Variants in MRAS observed in about 807,000 individuals in gnomAD.
The protein encoded by MRAS is muscle RAS oncogene homolog.
A neutral mutation model predicts 20.9 loss-of-function variants in MRAS; 4 were observed. The observed-to-expected ratio is 0.19, with a 90% CI of 0.09 to 0.44. The LOEUF (loss-of-function observed/expected upper bound fraction) is 0.44. Among genes scored for constraint, MRAS ranks in the 20% least tolerant of loss-of-function variants. The pLI is 0.99. For synonymous variants in MRAS, 98 were observed against 102.9 expected, an observed-to-expected ratio of 0.95 and a Z score of 0.29; for missense variants, 154 against 277.5, an observed-to-expected ratio of 0.56 and a Z score of 3.16.
intron 2 of MRAS, among the ~76,000 whole-genome samples, chr3:138,396,380 G>A (rs143516950): frequency 1.8e-3 from 281 of 152,298 alleles, no homozygotes; most frequent in African/African-American, 6.4e-3. Context: ...GTAACCACCC[G>A]CTCCCCTGCC....
intron 2 of MRAS, among the ~76,000 whole-genome samples, chr3:138,379,608 T>G (rs1379698997): frequency 6.6e-6 from 1 of 152,206 alleles, no homozygotes; most frequent in Non-Finnish European, 1.5e-5. Context: ...TCTGCCCACC[T>G]CGGCCTCCCA....
In MRAS at chr3:138,405,388, G is replaced by A. The variant is rs572622647; in HGVS notation, c.*3119G>A. On this transcript the variant is annotated 3_prime_UTR_variant, in exon 6 of 6. Transcript: ENST00000423968. ...CTTGAATTATTGTGCGCCTGTGAGC[G>A]CCCAGCTTCTGTTTCATAGTCTTAA... is the stretch of plus-strand genomic sequence containing the variant. 8 of 152,782 alleles carry A rather than the reference G, an allele frequency of 5.2e-5. No homozygotes were observed. The highest frequency in any genetic ancestry group is 1.9e-4 in the East Asian group (1 of 5,188). 9.5% of individuals were successfully genotyped at this position (152,782 alleles called of 1,614,324 possible).
chr3:138,379,473 T>C (rs2054855554), intron 2 of MRAS, among the ~76,000 whole-genome samples: 1 of 144,964 alleles, frequency 6.9e-6, no homozygotes, highest in Non-Finnish European at 1.5e-5. Flanking sequence ...TTCTCCTGCC[T>C]AAGCCTCCCA....
chr3:138,381,347 C>G (rs993198561), intron 2 of MRAS, among the ~76,000 whole-genome samples: 3 of 152,214 alleles, frequency 2.0e-5, no homozygotes, highest in East Asian at 1.9e-4. Flanking sequence ...GGAGAGGTCA[C>G]TAGTCTAGGG....
chr3:138,353,564 C>CTT (rs1217751996), intron 1 of MRAS, among the ~76,000 whole-genome samples: 1 of 152,178 alleles, frequency 6.6e-6, no homozygotes, highest in East Asian at 1.9e-4. Flanking sequence ...GACAGTCCTG[C>CTT]TTTTCTCCAC....
At chr3:138,369,098 C>T (rs1163527461) in intron 1 of MRAS, among the ~76,000 whole-genome samples, 2 of 152,122 alleles carry the variant, frequency 1.3e-5, no homozygotes, top group Non-Finnish European at 2.9e-5. Context: ...GAGAGTTGTC[C>T]CTTAGCTCTC....
intron 2 of MRAS, among the ~76,000 whole-genome samples, chr3:138,394,442 G>A (rs1209197018): frequency 6.6e-6 from 1 of 152,116 alleles, no homozygotes; most frequent in African/African-American, 2.4e-5. Context: ...AGGGCTGTGG[G>A]GACAGGTGAC....
intron 2 of MRAS, among the ~76,000 whole-genome samples, chr3:138,381,059 C>T (rs747792315): frequency 2.6e-5 from 4 of 152,284 alleles, no homozygotes; most frequent in East Asian, 1.9e-4. Flanking sequence ...AGGCATGAGC[C>T]GCCACGCCCG....
chr3:138,388,105 G>C (rs1413224548), intron 2 of MRAS, among the ~76,000 whole-genome samples: 1 of 152,160 alleles, frequency 6.6e-6, no homozygotes, highest in Non-Finnish European at 1.5e-5. Flanking sequence ...TGTCCTGGCT[G>C]TCTGCACCCT....
At chr3:138,385,149 A>C (rs1231006924) in intron 2 of MRAS, among the ~76,000 whole-genome samples, 1 of 127,424 alleles carries the variant, frequency 7.8e-6, no homozygotes, top group Non-Finnish European at 1.6e-5. Context: ...CGGGGTTTTG[A>C]TTTGTAATTT....
At chr3:138,357,158 G>A (rs192108885) in intron 1 of MRAS, among the ~76,000 whole-genome samples, 13 of 152,362 alleles carry the variant, frequency 8.5e-5, no homozygotes, top group Admixed American at 2.6e-4. Flanking sequence ...GGGTTGGGGT[G>A]GGTAAATAGG....
At chr3:138,393,356 G>A (rs1034921603) in intron 2 of MRAS, among the ~76,000 whole-genome samples, 4 of 152,148 alleles carry the variant, frequency 2.6e-5, no homozygotes, top group Non-Finnish European at 4.4e-5. Flanking sequence ...TGAACTTACT[G>A]CACTGGCCTT....
At chr3:138,360,693 G>A (rs2054429046) in intron 1 of MRAS, among the ~76,000 whole-genome samples, 1 of 152,314 alleles carries the variant, frequency 6.6e-6, no homozygotes, top group Admixed American at 6.5e-5. Flanking sequence ...CATCACCTCT[G>A]TCCTACTGTC....
chr3:138,388,132 A>G lies in MRAS; in HGVS notation c.194-9192A>G, dbSNP rs1576376427. ...CTGCACCCTGCCAGCATTTTGGAGA[A>G]GTTCAAGAAATCAGCCCTTTTTCTA... On this transcript the variant is annotated intron_variant, in intron 2 of 5. Coordinates refer to ENST00000423968, the MANE Select transcript of MRAS (RefSeq NM_001085049.3). Among the ~76,000 whole-genome samples the G allele has an allele frequency of 2.0e-5, 3 of 152,208 alleles. No individual in the cohort carries two copies. The South Asian group carries it at 6.2e-4, about 32-fold the overall frequency.
At chr3:138,360,249 C>G (rs1402238064) in intron 1 of MRAS, among the ~76,000 whole-genome samples, 1 of 152,228 alleles carries the variant, frequency 6.6e-6, no homozygotes, top group Non-Finnish European at 1.5e-5. Flanking sequence ...AAGCATCCGT[C>G]TCTCAGGCAG....
In MRAS at chr3:138,403,926, C is replaced by A. The variant is rs919629653; in HGVS notation, c.*1657C>A. 6.6e-6 allele frequency: 1 copy of A among 152,202 alleles called. No homozygotes were observed. The highest frequency in any genetic ancestry group is 1.5e-5 in the Non-Finnish European group (1 of 68,040). The allele number at this position is 152,202 out of a possible 1,614,324, so 9.4% of individuals were successfully genotyped here. ...AAAATGTGCTGTGTTCCTACCTCGG[C>A]AAGATCACCAGCACTGAGGGGCCCA... On this transcript the variant is annotated 3_prime_UTR_variant, in exon 6 of 6. Coordinates refer to ENST00000423968, the MANE Select transcript of MRAS (RefSeq NM_001085049.3).
chr3:138,373,110 G>A, intron 2 of MRAS, 34 bp downstream of exon 2: 1 of 1,401,288 alleles, frequency 7.1e-7, no homozygotes, highest in Non-Finnish European at 9.4e-7. Context: ...CATTGGGTGG[G>A]ATAGTAGATG....
intron 2 of MRAS, among the ~76,000 whole-genome samples, chr3:138,383,350 A>G (rs1247951934): frequency 6.6e-6 from 1 of 152,068 alleles, no homozygotes. Flanking sequence ...TTATTTTTAG[A>G]CACAGGGTCT....
At chr3:138,399,670 C>A (rs1234205418) in intron 4 of MRAS, among the ~76,000 whole-genome samples, 1 of 152,184 alleles carries the variant, frequency 6.6e-6, no homozygotes, top group African/African-American at 2.4e-5. Flanking sequence ...CAAAGTTATT[C>A]AGTCTAATCA....
Sources: allele counts gnomAD v4.1 joint callset (sites outside exome capture counted in the v4.1 genomes callset), GRCh38; gene constraint gnomAD v4.1.1; transcripts MANE v1.5; gene names NCBI Gene and HGNC (gene_info 2026-07-23, HGNC 2026-07-21).